Variants in FAM20C observed in about 807,000 individuals in gnomAD.
FAM20C encodes extracellular serine/threonine protein kinase FAM20C.
A neutral mutation model predicts 51.5 loss-of-function variants in FAM20C; 40 were observed. The observed-to-expected ratio is 0.78, with a 90% CI of 0.60 to 1.01. The LOEUF (loss-of-function observed/expected upper bound fraction) is 1.01, where lower values mean the gene tolerates loss of function less well. Among genes scored for constraint, FAM20C ranks in the 50% least tolerant of loss-of-function variants. The pLI is 0.00. For synonymous variants in FAM20C, 406 were observed against 380.6 expected, an observed-to-expected ratio of 1.07 and a Z score of -0.78; for missense variants, 861 against 844.7, an observed-to-expected ratio of 1.02 and a Z score of -0.24.
At chr7:242,458 G>T (rs1412421131) in intron 3 of FAM20C, among the ~76,000 whole-genome samples, 1 of 152,156 alleles carries the variant, frequency 6.6e-6, no homozygotes, top group African/African-American at 2.4e-5. Flanking sequence ...AGAAGGAGGA[G>T]GGTGGGAAGG....
At chr7:223,831 T>C (rs1017258411) in intron 3 of FAM20C, among the ~76,000 whole-genome samples, 4 of 151,088 alleles carry the variant, frequency 2.6e-5, no homozygotes, top group African/African-American at 9.9e-5. Flanking sequence ...AGAACAATCC[T>C]GAAATGAGCT....
chr7:237,151 G>A (rs1043622652), intron 3 of FAM20C, among the ~76,000 whole-genome samples: 25 of 152,352 alleles, frequency 1.6e-4, no homozygotes, highest in Admixed American at 2.6e-4. Context: ...AACAGCCAGC[G>A]TCATTGGAAA....
chr7:229,310 T>A (rs1188528116), intron 3 of FAM20C: 1 of 188,132 alleles, frequency 5.3e-6, no homozygotes, highest in Non-Finnish European at 1.1e-5. Context: ...GTATAAATAA[T>A]TCCGCACATC....
chr7:222,235 CAGTG>C (rs1787260049), intron 3 of FAM20C, among the ~76,000 whole-genome samples: 1 of 152,120 alleles, frequency 6.6e-6, no homozygotes, highest in Admixed American at 6.5e-5. Context: ...GAAAGCTTCT[CAGTG>C]GGTGTTATGG....
chr7:243,011 CA>C (rs1787999661), intron 3 of FAM20C, among the ~76,000 whole-genome samples: 1 of 150,344 alleles, frequency 6.7e-6, no homozygotes, highest in Non-Finnish European at 1.5e-5. Context: ...CCTGTGCCAC[CA>C]GGAGACCTGT....
chr7:193,289 G>A lies in FAM20C; in HGVS notation c.90G>A (p.Leu30=). ...ACALHIALDL[L]PRLERRGARP... ...CGCTGCACATCGCCCTGGACCTGCTGCCCAGGCTGGAGCGACGCGGCGCGC... is the reference window on the plus strand; with the variant it reads ...CGCTGCACATCGCCCTGGACCTGCTACCCAGGCTGGAGCGACGCGGCGCGC... Residue 30 remains leucine (L), a synonymous_variant, in exon 1 of 10, where the codon CTG becomes CTA. Transcript: ENST00000313766. 1.4e-6 allele frequency: 2 copies of A among 1,427,478 alleles called. No individual in the cohort carries two copies. Among genetic ancestry groups the A allele is most frequent in the South Asian group, 2.6e-5 (2 of 77,556 alleles). 88.4% of individuals were successfully genotyped at this position (1,427,478 alleles called of 1,614,324 possible).
At position 259,819 on chromosome 7, in the gene FAM20C, GA is replaced by G; in HGVS notation, c.1595del (p.Asp532AlafsTer23). ...GCTGATGGCCGAGTCTCTGCGGGGGGACCAGGTGGCACCCGTGCTGTACCAG... is the reference window on the plus strand; with the variant it reads ...GCTGATGGCCGAGTCTCTGCGGGGGGCCAGGTGGCACCCGTGCTGTACCAG... Reference protein sequence around the residue: ...SLLMAESLRGDQVAPVLYQPH... With the variant: ...SLLMAESLRGXQVAPVLYQPH... On this transcript the variant is annotated frameshift_variant, in exon 10 of 10. Coordinates refer to ENST00000313766, the MANE Select transcript of FAM20C (RefSeq NM_020223.4). LOFTEE classifies it low-confidence loss of function (END_TRUNC). 1 of 1,536,468 alleles carries G rather than the reference GA, an allele frequency of 6.5e-7. No homozygotes were observed. Among genetic ancestry groups the G allele is most frequent in the Non-Finnish European group, 8.7e-7 (1 of 1,146,892 alleles).
intron 2 of FAM20C, among the ~76,000 whole-genome samples, chr7:198,142 G>A (rs1277818555): frequency 6.6e-6 from 1 of 152,160 alleles, no homozygotes. Context: ...TTCTGGGGTG[G>A]GGACCCGTCC....
intron 2 of FAM20C, among the ~76,000 whole-genome samples, chr7:200,081 G>A (rs73251070): frequency 2.3e-3 from 351 of 152,338 alleles, no homozygotes; most frequent in African/African-American, 7.9e-3. Flanking sequence ...GAGCTTCAAG[G>A]AACAAAGGGC....
At chr7:253,277 G>A (rs1039778432) in intron 5 of FAM20C, among the ~76,000 whole-genome samples, 9 of 152,174 alleles carry the variant, frequency 5.9e-5, no homozygotes, top group Non-Finnish European at 7.4e-5. Context: ...CTTGCAAAAC[G>A]CTCCTCCTGC....
chr7:246,580 A>G, intron 4 of FAM20C, 73 bp downstream of exon 4: 4 of 493,020 alleles, frequency 8.1e-6, no homozygotes, highest in Non-Finnish European at 1.1e-5. Flanking sequence ...GCCGTCCTGC[A>G]CTGGACACAG....
At position 260,243 on chromosome 7, in the gene FAM20C, A is replaced by G. The variant is rs1479708610; in HGVS notation, c.*263A>G. ...GCCGGAGGCATTCCATCCTTTCTGT[A>G]GGGAAAGGAGCCTTTATTTACTATT... On this transcript the variant is annotated 3_prime_UTR_variant, in exon 10 of 10. Transcript: ENST00000313766. 3 of 429,214 alleles carry G rather than the reference A, an allele frequency of 7.0e-6. No homozygotes were observed. Among genetic ancestry groups the G allele is most frequent in the African/African-American group, 4.0e-5 (2 of 49,830 alleles). The allele number at this position is 429,214 out of a possible 1,614,324, so 26.6% of individuals were successfully genotyped here. A position where few individuals can be genotyped will look rare whatever the true frequency, so the allele number is the denominator to read the frequency against.
rs182516015 is a variant in FAM20C at position 260,193 on chromosome 7, G to A, written c.*213G>A. 1.2e-4 allele frequency: 75 copies of A among 646,002 alleles called. No individual in the cohort carries two copies. The African/African-American group carries it at 1.3e-3, about 11-fold the overall frequency. 40.0% of individuals were successfully genotyped at this position (646,002 alleles called of 1,614,324 possible). On this transcript the variant is annotated 3_prime_UTR_variant, in exon 10 of 10. Coordinates refer to ENST00000313766, the MANE Select transcript of FAM20C (RefSeq NM_020223.4). ...AAAGCTTGGGAAGGAAGCGCTGTCT[G>A]TGCTCACGGACAGAGGCGGCCGGCG...
intron 7 of FAM20C, 99 bp from the exon 8 acceptor site, chr7:256,906 C>T (rs1045497356): frequency 1.7e-4 from 243 of 1,437,714 alleles, no homozygotes; most frequent in Non-Finnish European, 2.1e-4. Context: ...TTAGAGGTCA[C>T]GCTGGCAGGA....
At chr7:231,700 G>A (rs563277242) in intron 3 of FAM20C, among the ~76,000 whole-genome samples, 14 of 152,292 alleles carry the variant, frequency 9.2e-5, no homozygotes, top group Admixed American at 3.9e-4. Context: ...TGTGAGGGGC[G>A]CGTGCGTCTG....
chr7:210,564 G>C (rs544105762), intron 3 of FAM20C, among the ~76,000 whole-genome samples: 1 of 152,072 alleles, frequency 6.6e-6, no homozygotes, highest in African/African-American at 2.4e-5. Context: ...TTCGAGCCGC[G>C]GGCACGGCTG....
intron 3 of FAM20C, among the ~76,000 whole-genome samples, chr7:213,675 T>C (rs2115077996): frequency 6.6e-6 from 1 of 152,288 alleles, no homozygotes; most frequent in East Asian, 1.9e-4. Context: ...CTCTCTTGGA[T>C]GTATTCTGGG....
intron 3 of FAM20C, among the ~76,000 whole-genome samples, chr7:232,020 G>A (rs114589292): frequency 0.012 from 1,899 of 152,288 alleles, 46 homozygotes; most frequent in African/African-American, 0.043. Context: ...CCGTTCCGTC[G>A]GCCTCGTCGG....
chr7:255,689 G>A (rs536594512), intron 5 of FAM20C, among the ~76,000 whole-genome samples, 160 bp from the exon 6 acceptor site: 10 of 145,656 alleles, frequency 6.9e-5, no homozygotes, highest in African/African-American at 1.3e-4. Flanking sequence ...TTTCTGTACC[G>A]TGGGGTGGAG....
Sources: gnomAD v4.1 joint callset for allele counts (sites outside exome capture counted in the v4.1 genomes callset) on GRCh38, gnomAD v4.1.1 for gene constraint, MANE v1.5 for transcripts, NCBI Gene and HGNC (gene_info 2026-07-23, HGNC 2026-07-21) for gene names.